VSIG10L: variants seen among roughly 807,000 people sequenced by gnomAD.
VSIG10L encodes the protein V-set and immunoglobulin domain containing 10 like.
A neutral mutation model predicts 67.3 loss-of-function variants in VSIG10L; 63 were observed. The ratio of observed to expected loss-of-function variants is 0.94; its 90% CI spans 0.76 to 1.15. VSIG10L has a LOEUF of 1.15. VSIG10L is among the 50% of genes most tolerant of loss of function. The pLI is 0.00. For synonymous variants in VSIG10L, 499 were observed against 524.9 expected (o/e 0.95, Z 0.67); for missense variants, 1,050 against 1,177.5 (o/e 0.89, Z 1.58).
Position 51,341,376 on chromosome 19 carries a change from C to T in VSIG10L, c.672G>A (p.Val224=), listed in dbSNP as rs1985632710. 4 of 1,538,618 alleles carry T rather than the reference C, an allele frequency of 2.6e-6. No homozygotes were observed. In the African/African-American group the frequency reaches 4.1e-5, roughly 16 times the overall value. Residue 224 remains valine, a synonymous_variant, in exon 2 of 10, where the codon GTG becomes GTA. Coordinates refer to ENST00000335624, the MANE Select transcript of VSIG10L (RefSeq NM_001163922.3). The stretch of plus-strand genomic sequence containing the variant: ...GCACCTTTGAGCCCCGGCGCCAGAC[C>T]ACCAGAGAGGTGGGGGGCCCAGGGT... ...IPNPGPPTSL[V]VWRRGSKVLA...
intron 9 of VSIG10L, among the ~76,000 whole-genome samples, 169 bp downstream of exon 9, chr19:51,333,622 C>T (rs746937763): frequency 6.6e-6 from 1 of 151,800 alleles, no homozygotes; most frequent in Non-Finnish European, 1.5e-5. Flanking sequence ...CAAAGTTGGG[C>T]GGGAAGCTCT....
At chr19:51,332,806 G>A (rs913397968) in intron 9 of VSIG10L, among the ~76,000 whole-genome samples, 166 bp from the exon 10 acceptor site, 11 of 152,212 alleles carry the variant, frequency 7.2e-5, no homozygotes, top group East Asian at 3.9e-4. Flanking sequence ...TTGGTGGAGC[G>A]AAGCCAGCCA....
chr19:51,334,107 G>A, intron 8 of VSIG10L, 84 bp downstream of exon 8: 1 of 1,482,548 alleles, frequency 6.7e-7, no homozygotes. Context: ...GGCACTGATT[G>A]CCTCAGCCAG....
At position 51,340,099 on chromosome 19, in the gene VSIG10L, C is replaced by A; in HGVS notation, c.1390G>T (p.Gly464Cys). ...SRLLLPAVGPGHAGTYACLAA... is the reference protein window; with the variant it reads ...SRLLLPAVGPCHAGTYACLAA... Reference sequence around the variant, plus strand: ...AGGCAGGCGTAGGTGCCTGCGTGGCCCGGTCCGACCGCGGGCAGCAGGAGG... The same window carrying A: ...AGGCAGGCGTAGGTGCCTGCGTGGCACGGTCCGACCGCGGGCAGCAGGAGG... Residue 464 changes from glycine to cysteine, a missense_variant, in exon 4 of 10, where the codon GGC becomes TGC. This residue lies in a region of VSIG10L where 529 missense variants were observed against 584.9 expected (regional missense o/e 0.90). Transcript: ENST00000335624. The surrounding 1 kb of genome is among the most constrained non-coding windows in gnomAD (Gnocchi z 6.3). 7.5e-7 allele frequency: 1 copy of A among 1,334,374 alleles called. No individual in the cohort carries two copies. 82.7% of individuals were successfully genotyped at this position (1,334,374 alleles called of 1,614,324 possible). A position where few individuals can be genotyped will look rare whatever the true frequency, so the allele number is the denominator to read the frequency against.
chr19:51,333,812 G>T lies in VSIG10L; in HGVS notation c.2553C>A (p.His851Gln). Residue 851 changes from histidine (H) to glutamine (Q), a missense_variant, in exon 9 of 10, where the codon CAC becomes CAA. By Grantham distance (24) the His-to-Gln change is conservative (BLOSUM62 0). Transcript: ENST00000335624. ...PLDLKVPLED[H>Q]SSTRAYQAQT... Reference sequence around the variant, plus strand: ...TCACTTGGTAGGCCCTAGTTGAGCTGTGGTCCTCCAGAGGGACTTTGAGGT... The same window carrying T: ...TCACTTGGTAGGCCCTAGTTGAGCTTTGGTCCTCCAGAGGGACTTTGAGGT... The T allele has an allele frequency of 4.5e-6, 7 of 1,550,510 alleles. No homozygotes were observed. Among genetic ancestry groups the T allele is most frequent in the Non-Finnish European group, 5.2e-6 (6 of 1,146,652 alleles).
intron 4 of VSIG10L, chr19:51,339,793 C>T: frequency 4.2e-6 from 2 of 481,370 alleles, no homozygotes; most frequent in Non-Finnish European, 6.5e-6. Context: ...TATCCTCTTT[C>T]TGGCCCCGCC....
At chr19:51,333,130 A>G (rs990536321) in intron 9 of VSIG10L, among the ~76,000 whole-genome samples, 5 of 151,244 alleles carry the variant, frequency 3.3e-5, no homozygotes, top group African/African-American at 1.2e-4. Context: ...GATTACAGGC[A>G]TGAACTATCA....
rs1294327348 is a variant in VSIG10L, at chr19:51,340,124, G to A, written c.1365C>T (p.Arg455=). 3.1e-6 allele frequency: 4 copies of A among 1,305,582 alleles called. No homozygotes were observed. The highest frequency in any genetic ancestry group is 3.1e-5 in the African/African-American group (2 of 64,612). The allele number at this position is 1,305,582 out of a possible 1,614,324, so 80.9% of individuals were successfully genotyped here. A position where few individuals can be genotyped will look rare whatever the true frequency, so the allele number is the denominator to read the frequency against. ...PAEAAVPAGS[R]LLLPAVGPGH... is the part of the protein sequence containing the mutation. ...CCGGTCCGACCGCGGGCAGCAGGAG[G>A]CGCGACCCCGCGGGCACCGCGGCCT... Residue 455 remains arginine, a synonymous_variant, in exon 4 of 10, where the codon CGC becomes CGT. Transcript: ENST00000335624. The surrounding 1 kb of genome is among the most constrained non-coding windows in gnomAD (Gnocchi z 6.3).
chr19:51,340,845 C>T lies in VSIG10L; in HGVS notation c.896-119G>A. The T allele has an allele frequency of 7.9e-7, 1 of 1,262,570 alleles. No homozygotes were observed. The highest frequency in any genetic ancestry group is 1.8e-5 in the South Asian group (1 of 57,026). 78.2% of individuals were successfully genotyped at this position (1,262,570 alleles called of 1,614,324 possible). ...CCCTGGAGTCTCAGCCCCCATCCCTCTCCTCTCATAAACCTATGAGTTTGA... is the reference window on the plus strand; with the variant it reads ...CCCTGGAGTCTCAGCCCCCATCCCTTTCCTCTCATAAACCTATGAGTTTGA... On this transcript the variant is annotated intron_variant, in intron 2 of 9. Coordinates refer to ENST00000335624, the MANE Select transcript of VSIG10L (RefSeq NM_001163922.3). The surrounding 1 kb of genome is among the most constrained non-coding windows in gnomAD (Gnocchi z 6.3).
At position 51,337,510 on chromosome 19, in the gene VSIG10L, A is replaced by T. The variant is rs571464495; in HGVS notation, c.2033T>A (p.Leu678His). The change falls in exon 7 of 10, where the codon CTT becomes CAT. Residue 678 changes from leucine to histidine, a missense_variant. Physicochemically the swap from Leu to His is moderately conservative, Grantham distance 99. Around this residue, in one of 3 missense-constraint regions of VSIG10L, gnomAD observed 529 missense variants for 584.9 expected, o/e 0.90. Transcript: ENST00000335624. ...CACGGCTGCATCTCTGGCTCTCTGAAGCCTCCACGAGGATATGGAGGGTCC... is the reference window on the plus strand; with the variant it reads ...CACGGCTGCATCTCTGGCTCTCTGATGCCTCCACGAGGATATGGAGGGTCC... ...LIGPSISSWR[L>H]QRARDAAVLT... is the part of the protein sequence containing the mutation. 1.3e-6 allele frequency: 2 copies of T among 1,542,726 alleles called. No individual in the cohort carries two copies. Among genetic ancestry groups the T allele is most frequent in the Admixed American group, 2.0e-5 (1 of 50,680 alleles).
chr19:51,336,842 C>T (rs1985492554), intron 7 of VSIG10L, among the ~76,000 whole-genome samples: 1 of 148,706 alleles, frequency 6.7e-6, no homozygotes, highest in African/African-American at 2.5e-5. Flanking sequence ...TCTCGGCTCA[C>T]TGCAAGCTCC....
chr19:51,341,073 A>G (rs976690226), intron 2 of VSIG10L, 80 bp downstream of exon 2: 1 of 1,443,068 alleles, frequency 6.9e-7, no homozygotes, highest in Non-Finnish European at 9.1e-7. Flanking sequence ...CAGGGACCCC[A>G]CAGCACCGTG....
In VSIG10L at chr19:51,341,270, C is replaced by A. The variant is rs1337417505; in HGVS notation, c.778G>T (p.Ala260Ser). The change falls in exon 2 of 10, where the codon GCC (alanine) becomes TCC (serine). Residue 260 changes from alanine to serine, a missense_variant. Ala to Ser is a moderately conservative substitution (Grantham distance 99). Coordinates refer to ENST00000335624, the MANE Select transcript of VSIG10L (RefSeq NM_001163922.3). Reference protein sequence around the residue: ...AHRDHLRFDQARGVLELASAQ... With the variant: ...AHRDHLRFDQSRGVLELASAQ... ...GAGGCGAGCTCCAGAACCCCCCGGG[C>A]CTGGTCAAATCGCAGGTGGTCTCGG... 3 of 1,550,142 alleles carry A rather than the reference C, an allele frequency of 1.9e-6. No individual in the cohort carries two copies. The Admixed American group carries it at 5.9e-5, about 30-fold the overall frequency.
At chr19:51,339,864 C>T in intron 4 of VSIG10L, 151 bp downstream of exon 4, 2 of 1,003,756 alleles carry the variant, frequency 2.0e-6, no homozygotes, top group Non-Finnish European at 2.6e-6. Context: ...TATCCCAGCT[C>T]CTTCTTGGTG....
chr19:51,333,648 A>G, intron 9 of VSIG10L, 143 bp downstream of exon 9: 1 of 1,026,150 alleles, frequency 9.7e-7, no homozygotes, highest in Non-Finnish European at 1.3e-6. Context: ...ACTTTGATGC[A>G]TTTTTAAAAA....
At chr19:51,341,132 C>A in intron 2 of VSIG10L, 21 bp downstream of exon 2, 1 of 1,483,764 alleles carries the variant, frequency 6.7e-7, no homozygotes, top group South Asian at 1.3e-5. Flanking sequence ...GCCTGCACGC[C>A]GGACGCCAGG....
At chr19:51,336,565 A>G (rs1000151973) in intron 7 of VSIG10L, among the ~76,000 whole-genome samples, 10 of 151,912 alleles carry the variant, frequency 6.6e-5, no homozygotes. Flanking sequence ...AAAAAAGAAG[A>G]AGGAGAAGGA....
chr19:51,338,343 A>C, intron 5 of VSIG10L, 135 bp from the exon 6 acceptor site: 3 of 892,196 alleles, frequency 3.4e-6, no homozygotes, highest in East Asian at 2.9e-5. Flanking sequence ...CTGCCAATTT[A>C]CTCACTCATT....
Position 51,341,191 on chromosome 19 carries a change from A to T in VSIG10L, c.857T>A (p.Val286Asp), listed in dbSNP as rs961512294. The T allele has an allele frequency of 3.3e-6, 5 of 1,535,444 alleles. No homozygotes were observed. In the Admixed American group the frequency reaches 1.1e-4, roughly 32 times the overall value. Reference sequence around the variant, plus strand: ...CGTGAACTCGTGAGTCTGCTGGGAGACCCCTGCCCGGATGACCTCAGCCGT... The same window carrying T: ...CGTGAACTCGTGAGTCTGCTGGGAGTCCCCTGCCCGGATGACCTCAGCCGT... Reference protein sequence around the residue: ...VYTAEVIRAGVSQQTHEFTVG... With the variant: ...VYTAEVIRAGDSQQTHEFTVG... Residue 286 changes from valine to aspartate, a missense_variant, in exon 2 of 10, where the codon GTC becomes GAC. Physicochemically the swap from Val to Asp is radical, Grantham distance 152 (BLOSUM62 -3). Around this residue, in one of 3 missense-constraint regions of VSIG10L, gnomAD observed 511 missense variants for 557.9 expected, o/e 0.92. Transcript: ENST00000335624.
Sources: allele counts gnomAD v4.1 joint callset (sites outside exome capture counted in the v4.1 genomes callset), GRCh38; gene constraint gnomAD v4.1.1; regional missense constraint gnomAD v4.1.1; non-coding constraint Gnocchi (gnomAD v3.1); transcripts MANE v1.5; gene names NCBI Gene and HGNC (gene_info 2026-07-23, HGNC 2026-07-21).